ATXN10: variants seen among roughly 807,000 people sequenced by gnomAD.
ATXN10 encodes the protein ataxin-10.
ATXN10 carries 28 observed loss-of-function variants against 52.9 expected under a neutral mutation model. That is an observed-to-expected ratio of 0.53 (90% confidence interval 0.39 to 0.73). The LOEUF is 0.73. Ranked by LOEUF, ATXN10 falls within the 30% of genes least tolerant of loss-of-function variation. The probability of loss-of-function intolerance (pLI) is 0.00; values close to 1 mark genes in which losing one functional copy is unlikely to be tolerated. For synonymous variants in ATXN10, 226 were observed against 221.5 expected (o/e 1.02, Z -0.18); for missense variants, 565 against 577.0 (o/e 0.98, Z 0.21).
chr22:45,803,117 ACACT>A lies in ATXN10; in HGVS notation c.1174-3838_1174-3835del, dbSNP rs140307215. Among the ~76,000 whole-genome samples the A allele has an allele frequency of 8.6e-3, 1,303 of 152,324 alleles. 11 individuals are homozygous for A. The highest frequency in any genetic ancestry group is 0.029 in the African/African-American group (1,221 of 41,572). On this transcript the variant is annotated intron_variant, in intron 9 of 11. Coordinates refer to ENST00000252934, the MANE Select transcript of ATXN10 (RefSeq NM_013236.4). Reference sequence around the variant, plus strand: ...ATTGAGTATTTACTGTGTGCTAAACACACTCACAGTTACTCTTTGAAGAAGGCAC... The same window carrying A: ...ATTGAGTATTTACTGTGTGCTAAACACACAGTTACTCTTTGAAGAAGGCAC...
chr22:45,711,634 C>G (rs1325848261), intron 5 of ATXN10, among the ~76,000 whole-genome samples: 1 of 152,120 alleles, frequency 6.6e-6, no homozygotes, highest in African/African-American at 2.4e-5. Flanking sequence ...TAAGGGTACA[C>G]AGAATCTCTC....
chr22:45,760,629 T>C (rs988492229), intron 9 of ATXN10: 2 of 154,138 alleles, frequency 1.3e-5, no homozygotes, highest in African/African-American at 4.8e-5. Context: ...TAGTAGTTGC[T>C]TATTGAGTGT....
chr22:45,777,008 C>T (rs1331976074), intron 9 of ATXN10, among the ~76,000 whole-genome samples: 2 of 152,184 alleles, frequency 1.3e-5, no homozygotes, highest in Non-Finnish European at 2.9e-5. Flanking sequence ...GAATAGTGGA[C>T]AACGATGAAC....
At position 45,823,786 on chromosome 22, in the gene ATXN10, G is replaced by T. The variant is rs1240971080; in HGVS notation, c.1237+16764G>T. On this transcript the variant is annotated intron_variant, in intron 10 of 11. Coordinates refer to ENST00000252934, the MANE Select transcript of ATXN10 (RefSeq NM_013236.4). This position sits in a 1 kb window ranked among gnomAD's most constrained non-coding sequence, Gnocchi z 4.9. ...TTATGTGCTGCACACTGTTCTAGCT[G>T]CCAGGGATACAATGGTTGATCAAAA... is the stretch of plus-strand genomic sequence containing the variant. Among the ~76,000 whole-genome samples, 2 of 152,170 alleles carry T rather than the reference G, an allele frequency of 1.3e-5. No homozygotes were observed. Among genetic ancestry groups the T allele is most frequent in the Non-Finnish European group, 2.9e-5 (2 of 68,036 alleles).
chr22:45,827,015 G>A (rs1362314907), intron 10 of ATXN10, among the ~76,000 whole-genome samples: 1 of 152,006 alleles, frequency 6.6e-6, no homozygotes, highest in Non-Finnish European at 1.5e-5. Context: ...TAACCGAAAG[G>A]AGTAAACAGA....
chr22:45,689,379 T>G, intron 1 of ATXN10: 1 of 371,580 alleles, frequency 2.7e-6, no homozygotes, highest in Non-Finnish European at 5.1e-6. Flanking sequence ...CACTTGGCCT[T>G]GTGTCTCTGC....
intron 5 of ATXN10, among the ~76,000 whole-genome samples, chr22:45,704,913 T>C (rs1923981042): frequency 6.6e-6 from 1 of 152,218 alleles, no homozygotes; most frequent in Non-Finnish European, 1.5e-5. Context: ...AAGAAGCCCT[T>C]GCTCAGGATG....
chr22:45,839,607 C>CTT (rs1266133554), intron 10 of ATXN10, among the ~76,000 whole-genome samples: 2 of 152,214 alleles, frequency 1.3e-5, no homozygotes, highest in East Asian at 3.8e-4. Context: ...CTACCAAACA[C>CTT]TTGAAGGGTG....
chr22:45,707,273 A>AGCTTTTTCAATTTTG (rs1190406840), intron 5 of ATXN10, among the ~76,000 whole-genome samples: 1 of 152,168 alleles, frequency 6.6e-6, no homozygotes, highest in African/African-American at 2.4e-5. Flanking sequence ...GTGAGGTATG[A>AGCTTTTTCAATTTTG]GCTTTTTCAA....
intron 1 of ATXN10, among the ~76,000 whole-genome samples, chr22:45,685,978 G>C (rs1378195822): frequency 6.6e-6 from 1 of 152,192 alleles, no homozygotes; most frequent in African/African-American, 2.4e-5. Context: ...AATGGGAAAG[G>C]AGAAATTCGA....
rs1428502609 is a variant in ATXN10, at chr22:45,837,960, C to T, written c.1238-5031C>T. Among the ~76,000 whole-genome samples the T allele has an allele frequency of 6.6e-6, 1 of 152,234 alleles. No homozygotes were observed. The highest frequency in any genetic ancestry group is 1.5e-5 in the Non-Finnish European group (1 of 68,054). On this transcript the variant is annotated intron_variant, in intron 10 of 11. Coordinates refer to ENST00000252934, the MANE Select transcript of ATXN10 (RefSeq NM_013236.4). The surrounding 1 kb of genome is among the most constrained non-coding windows in gnomAD (Gnocchi z 5.8). The stretch of plus-strand genomic sequence containing the variant: ...AACACCGACAGAGCAGTGACCAGAA[C>T]AGAGTTCCTGTCGCCCTGGAGTCTA...
chr22:45,782,049 A>G (rs1232708657), intron 9 of ATXN10, among the ~76,000 whole-genome samples: 1 of 152,232 alleles, frequency 6.6e-6, no homozygotes, highest in Non-Finnish European at 1.5e-5. Flanking sequence ...CCATAAACCT[A>G]CAAATTCAAG....
intron 9 of ATXN10, among the ~76,000 whole-genome samples, chr22:45,778,395 G>A (rs1017554218): frequency 1.1e-4 from 17 of 152,122 alleles, no homozygotes; most frequent in African/African-American, 3.1e-4. Flanking sequence ...ATCTTCATGA[G>A]GATAATTGTA....
At chr22:45,714,962 C>T (rs939579356) in intron 5 of ATXN10, among the ~76,000 whole-genome samples, 6 of 152,108 alleles carry the variant, frequency 3.9e-5, no homozygotes, top group Admixed American at 2.0e-4. Context: ...ACCTGTCTTC[C>T]CTTCTCCTCC....
chr22:45,740,756 A>G (rs11090652), intron 9 of ATXN10: 5,239 of 189,182 alleles, frequency 0.028, 250 homozygotes, highest in African/African-American at 0.13. Flanking sequence ...GTGTGTGTGT[A>G]TATATATATA....
At chr22:45,742,944 G>T (rs562385032) in intron 9 of ATXN10, among the ~76,000 whole-genome samples, 1 of 152,198 alleles carries the variant, frequency 6.6e-6, no homozygotes, top group African/African-American at 2.4e-5. Context: ...AAAAGAGGTG[G>T]TTTTTCTTGT....
At chr22:45,779,387 A>G (rs1053832071) in intron 9 of ATXN10, among the ~76,000 whole-genome samples, 2 of 152,300 alleles carry the variant, frequency 1.3e-5, no homozygotes, top group Admixed American at 6.5e-5. Context: ...GAGACTCCAG[A>G]ATATAATTCA....
rs994971149 is a variant in ATXN10 at position 45,718,611 on chromosome 22, C to A, written c.728+118C>A. The A allele has an allele frequency of 3.0e-5, 28 of 943,834 alleles. No individual in the cohort carries two copies. Among genetic ancestry groups the A allele is most frequent in the Non-Finnish European group, 4.7e-5 (27 of 579,794 alleles). The allele number at this position is 943,834 out of a possible 1,614,324, so 58.5% of individuals were successfully genotyped here. ...GCACAGAATCTCTAAATACATGTTT[C>A]TGTGTTGGTAATGGTTTTAAATTGG... On this transcript the variant is annotated intron_variant, in intron 6 of 11. Transcript: ENST00000252934. This position sits in a 1 kb window ranked among gnomAD's most constrained non-coding sequence, Gnocchi z 4.4.
chr22:45,834,770 G>T (rs895962781), intron 10 of ATXN10, among the ~76,000 whole-genome samples: 7 of 152,224 alleles, frequency 4.6e-5, no homozygotes, highest in African/African-American at 1.7e-4. Context: ...TCTGGAGTCA[G>T]AGCTCGTGCA....
Sources: allele counts gnomAD v4.1 joint callset (sites outside exome capture counted in the v4.1 genomes callset), GRCh38; gene constraint gnomAD v4.1.1; non-coding constraint Gnocchi (gnomAD v3.1); transcripts MANE v1.5; gene names NCBI Gene and HGNC (gene_info 2026-07-23, HGNC 2026-07-21).